The following MTUS1 variants were observed in gnomAD, a reference collection of about 807,000 sequenced individuals.
The protein encoded by MTUS1 is microtubule associated scaffold protein 1.
MTUS1 carries 109 observed loss-of-function variants against 120.8 expected under a neutral mutation model. The observed-to-expected ratio is 0.90, with a 90% CI of 0.77 to 1.06. MTUS1 has a LOEUF of 1.06. MTUS1 is among the 50% of genes least tolerant of loss of function. The probability of loss-of-function intolerance (pLI) is 0.00; values close to 1 mark genes in which losing one functional copy is unlikely to be tolerated. For missense variants in MTUS1, 2,210 were observed against 1,486.3 expected (o/e 1.49, Z -8.01); for synonymous variants, 737 against 550.5 (o/e 1.34, Z -4.74).
Position 17,798,036 on chromosome 8 carries a change from T to G in MTUS1, c.-155+3025A>C, listed in dbSNP as rs868795527. Among the ~76,000 whole-genome samples, 51 of 152,182 alleles carry G rather than the reference T, an allele frequency of 3.4e-4. 1 individual carries two copies. Among genetic ancestry groups the G allele is most frequent in the Non-Finnish European group, 3.4e-4 (23 of 68,036 alleles). ...TTGTCTGGACATCAACAAGTCCGTATGAAACCACAATAATGACTATAAAAA... is the reference window on the plus strand; with the variant it reads ...TTGTCTGGACATCAACAAGTCCGTAGGAAACCACAATAATGACTATAAAAA... On this transcript the variant is annotated intron_variant, in intron 1 of 14. Coordinates refer to ENST00000693296, the MANE Select transcript of MTUS1 (RefSeq NM_001363059.2).
At chr8:17,654,402 T>C in intron 10 of MTUS1, 159 bp downstream of exon 10, 1 of 603,544 alleles carries the variant, frequency 1.7e-6, no homozygotes, top group Non-Finnish European at 2.9e-6. Context: ...AAAAGGCATC[T>C]GTTAACAATA....
intron 8 of MTUS1, among the ~76,000 whole-genome samples, chr8:17,661,719 G>T (rs1288285616): frequency 6.6e-6 from 1 of 151,996 alleles, no homozygotes; most frequent in Non-Finnish European, 1.5e-5. Flanking sequence ...ACGGGAAAGA[G>T]AAAGGGAGAA....
chr8:17,727,041 C>A (rs2046270638), intron 3 of MTUS1, among the ~76,000 whole-genome samples: 1 of 152,124 alleles, frequency 6.6e-6, no homozygotes, highest in African/African-American at 2.4e-5. Flanking sequence ...GGAAAGCTTA[C>A]CCCGGCAACC....
chr8:17,664,613 A>G (rs1810491099), intron 8 of MTUS1, among the ~76,000 whole-genome samples: 1 of 151,696 alleles, frequency 6.6e-6, no homozygotes, highest in Non-Finnish European at 1.5e-5. Flanking sequence ...CTTCAACAGT[A>G]CATACCCATT....
intron 7 of MTUS1, among the ~76,000 whole-genome samples, chr8:17,683,482 T>C (rs1815063473): frequency 6.6e-6 from 1 of 152,126 alleles, no homozygotes; most frequent in South Asian, 2.1e-4. Context: ...TTAATTTTTA[T>C]TTTTTCCCTA....
At chr8:17,759,768 G>A (rs532394012) in intron 1 of MTUS1, among the ~76,000 whole-genome samples, 5 of 151,224 alleles carry the variant, frequency 3.3e-5, no homozygotes, top group South Asian at 4.2e-4. Context: ...CATTTTTAAC[G>A]GTTGTGAAAC....
Position 17,684,447 on chromosome 8 carries a change from G to A in MTUS1, c.2719C>T (p.Gln907Ter), listed in dbSNP as rs777863639. 1.2e-6 allele frequency: 2 copies of A among 1,614,126 alleles called. No homozygotes were observed. Among genetic ancestry groups the A allele is most frequent in the South Asian group, 1.1e-5 (1 of 91,088 alleles). Residue 907 changes from glutamine (Q) to a stop codon, truncating the protein, a stop_gained, in exon 7 of 15, where the codon CAA becomes TAA. Transcript: ENST00000693296. LOFTEE classifies it high-confidence loss of function. ...TGGTTTTCACATTTTGTTTTATATTGCGTCAATTCAAGTGTTTTCTCAGGG... is the reference window on the plus strand; with the variant it reads ...TGGTTTTCACATTTTGTTTTATATTACGTCAATTCAAGTGTTTTCTCAGGG... ...LPPEKTLELT[Q>*]YKTKCENQSG...
chr8:17,735,063 C>T (rs564983840), intron 3 of MTUS1, among the ~76,000 whole-genome samples: 15 of 152,234 alleles, frequency 9.9e-5, no homozygotes, highest in East Asian at 9.7e-4. Context: ...AGACCACAGG[C>T]GGGAGCCACT....
intron 6 of MTUS1, chr8:17,697,684 G>A: frequency 9.7e-7 from 1 of 1,028,684 alleles, no homozygotes; most frequent in Non-Finnish European, 1.2e-6. Flanking sequence ...TGCTTGTGGA[G>A]TTGTTATGGT....
At chr8:17,713,308 AAAAC>A in intron 5 of MTUS1, 56 bp from the exon 6 acceptor site, 1 of 976,202 alleles carries the variant, frequency 1.0e-6, no homozygotes, top group Non-Finnish European at 1.6e-6. Context: ...ATATCACATA[AAAAC>A]AAACCATGTT....
At chr8:17,646,409 G>A (rs1033272728) in intron 14 of MTUS1, among the ~76,000 whole-genome samples, 36 of 151,978 alleles carry the variant, frequency 2.4e-4, no homozygotes, top group Non-Finnish European at 5.3e-4. Context: ...GCAACATGGC[G>A]AAACTCTGTC....
At chr8:17,787,197 A>AGGATGAG (rs1182897186) in intron 1 of MTUS1, among the ~76,000 whole-genome samples, 12 of 152,338 alleles carry the variant, frequency 7.9e-5, no homozygotes. Context: ...TTGTGAGGCC[A>AGGATGAG]GGATGAGGAA....
intron 2 of MTUS1, among the ~76,000 whole-genome samples, chr8:17,747,456 G>A (rs1016313166): frequency 3.3e-5 from 5 of 152,110 alleles, no homozygotes; most frequent in African/African-American, 1.2e-4. Context: ...CCTGTTTACT[G>A]TATTGATAGA....
chr8:17,755,463 T>G lies in MTUS1; in HGVS notation c.345A>C (p.Lys115Asn). 1 of 1,614,170 alleles carries G rather than the reference T, an allele frequency of 6.2e-7. No homozygotes were observed. The highest frequency in any genetic ancestry group is 1.3e-5 in the African/African-American group (1 of 75,060). Residue 115 changes from lysine (K) to asparagine (N), a missense_variant, in exon 2 of 15, where the codon AAA (lysine) becomes AAC (asparagine). By Grantham distance (94) the Lys-to-Asn change is moderately conservative (BLOSUM62 0). Transcript: ENST00000693296. ...CPALVGTEKP[K>N]YLQHSCHSLE... The stretch of plus-strand genomic sequence containing the variant: ...GGGAATGACAACTGTGTTGCAGATA[T>G]TTGGGCTTCTCAGTACCTACAAGTG...
At chr8:17,666,624 TTTTGC>T (rs1563164835) in intron 8 of MTUS1, among the ~76,000 whole-genome samples, 1 of 151,928 alleles carries the variant, frequency 6.6e-6, no homozygotes, top group East Asian at 1.9e-4. Context: ...AAGGGAAAGG[TTTTGC>T]TTTATTTTTC....
chr8:17,781,887 G>GTA (rs138686489), intron 1 of MTUS1, among the ~76,000 whole-genome samples: 1,990 of 152,312 alleles, frequency 0.013, 34 homozygotes, highest in African/African-American at 0.046. Context: ...CGCCTTTAGA[G>GTA]AGAAACCCTT....
At chr8:17,712,494 G>A (rs537839491) in intron 6 of MTUS1, among the ~76,000 whole-genome samples, 7 of 152,082 alleles carry the variant, frequency 4.6e-5, no homozygotes, top group African/African-American at 7.2e-5. Flanking sequence ...GTACCACCAC[G>A]TCCGGCAAAC....
At chr8:17,772,272 A>T (rs1028913736) in intron 1 of MTUS1, among the ~76,000 whole-genome samples, 1 of 152,194 alleles carries the variant, frequency 6.6e-6, no homozygotes, top group Admixed American at 6.5e-5. Context: ...ACAAAACAAA[A>T]TAACTGAAAC....
Position 17,654,603 on chromosome 8 carries a change from T to C in MTUS1, c.3172A>G (p.Lys1058Glu), listed in dbSNP as rs1807795655. 1.2e-6 allele frequency: 2 copies of C among 1,614,020 alleles called. No homozygotes were observed. Among genetic ancestry groups the C allele is most frequent in the African/African-American group, 2.7e-5 (2 of 74,930 alleles). The change falls in exon 10 of 15, where the codon AAA (lysine) becomes GAA (glutamate). Residue 1058 changes from lysine to glutamate, a missense_variant. Transcript: ENST00000693296. ...TAGGCCTTCTTTAGCAATTCAAGTTTCTCTGAGTGGCTAGCTTCAATTTCC... is the reference window on the plus strand; with the variant it reads ...TAGGCCTTCTTTAGCAATTCAAGTTCCTCTGAGTGGCTAGCTTCAATTTCC... ...KLEIEASHSE[K>E]LELLKKAYEA...
Sources: allele counts gnomAD v4.1 joint callset (sites outside exome capture counted in the v4.1 genomes callset), GRCh38; gene constraint gnomAD v4.1.1; transcripts MANE v1.5; gene names NCBI Gene and HGNC (gene_info 2026-07-23, HGNC 2026-07-21).